Variants in TRAPPC9 observed in about 807,000 individuals in gnomAD.
TRAPPC9 encodes IKK2 binding protein.
Under a neutral mutation model 124.0 loss-of-function variants are expected in TRAPPC9, and 83 were observed. The ratio of observed to expected loss-of-function variants is 0.67; its 90% CI spans 0.56 to 0.80. The LOEUF (loss-of-function observed/expected upper bound fraction) is 0.80, where lower values mean the gene tolerates loss of function less well. TRAPPC9 is among the 30% of genes least tolerant of loss of function. The pLI, the probability that TRAPPC9 is intolerant of heterozygous loss-of-function variation, is 0.00. For synonymous variants in TRAPPC9, 638 were observed against 617.5 expected (o/e 1.03, Z -0.49); for missense variants, 1,302 against 1,508.3 (o/e 0.86, Z 2.27).
At chr8:140,347,672 T>C (rs1362653335) in intron 9 of TRAPPC9, among the ~76,000 whole-genome samples, 1 of 152,220 alleles carries the variant, frequency 6.6e-6, no homozygotes, top group Non-Finnish European at 1.5e-5. Context: ...CTTGGCCTTG[T>C]TGTATTCAGA....
chr8:140,103,390 CA>C (rs1358343907), intron 17 of TRAPPC9, among the ~76,000 whole-genome samples: 2 of 152,180 alleles, frequency 1.3e-5, no homozygotes, highest in African/African-American at 4.8e-5. Context: ...CGCCTCTCAT[CA>C]GGGGCAATTC....
intron 7 of TRAPPC9, among the ~76,000 whole-genome samples, chr8:140,396,649 T>G (rs1274274304): frequency 6.6e-6 from 1 of 151,862 alleles, no homozygotes; most frequent in Non-Finnish European, 1.5e-5. Context: ...TGTGTTCTGT[T>G]TCTGGGCATC....
At chr8:140,393,868 C>G (rs1490948206) in intron 7 of TRAPPC9, among the ~76,000 whole-genome samples, 1 of 152,206 alleles carries the variant, frequency 6.6e-6, no homozygotes, top group East Asian at 1.9e-4. Flanking sequence ...GCCTGCTCAT[C>G]TGGCAAACAA....
chr8:139,791,424 CA>C (rs1822666723), intron 21 of TRAPPC9, among the ~76,000 whole-genome samples: 1 of 151,144 alleles, frequency 6.6e-6, no homozygotes, highest in African/African-American at 2.4e-5. Flanking sequence ...CACACTCACA[CA>C]GGTGTGTCTC....
At chr8:140,164,660 TG>T in intron 17 of TRAPPC9, among the ~76,000 whole-genome samples, 1 of 152,182 alleles carries the variant, frequency 6.6e-6, no homozygotes, top group South Asian at 2.1e-4. Flanking sequence ...CAGCTAGGCA[TG>T]GTCTCCTGGG....
intron 21 of TRAPPC9, among the ~76,000 whole-genome samples, chr8:139,824,876 T>C (rs1281245046): frequency 6.6e-6 from 1 of 152,140 alleles, no homozygotes. Context: ...TTTACCTTTG[T>C]AAAAGGTTCC....
chr8:140,263,981 G>A (rs966076861), intron 15 of TRAPPC9, among the ~76,000 whole-genome samples: 2 of 151,988 alleles, frequency 1.3e-5, no homozygotes, highest in African/African-American at 2.4e-5. Flanking sequence ...CCTTTCCCCC[G>A]CTCCCCAAGA....
chr8:139,934,312 G>C (rs1261626229), intron 19 of TRAPPC9, among the ~76,000 whole-genome samples: 5 of 152,102 alleles, frequency 3.3e-5, no homozygotes, highest in African/African-American at 1.2e-4. Flanking sequence ...GAGAAGATGA[G>C]AGTAGCTGTA....
chr8:140,053,863 C>T (rs1186289828), intron 17 of TRAPPC9, among the ~76,000 whole-genome samples: 1 of 152,184 alleles, frequency 6.6e-6, no homozygotes, highest in Non-Finnish European at 1.5e-5. Flanking sequence ...ATCAAAGACA[C>T]TTGTACTCAT....
intron 21 of TRAPPC9, among the ~76,000 whole-genome samples, chr8:139,832,387 G>A (rs1055701295): frequency 6.6e-6 from 1 of 152,238 alleles, no homozygotes; most frequent in Non-Finnish European, 1.5e-5. Flanking sequence ...TTCGCGTGGA[G>A]CAGCTAGTGA....
At chr8:140,132,691 A>G (rs1310591840) in intron 17 of TRAPPC9, among the ~76,000 whole-genome samples, 9 of 152,208 alleles carry the variant, frequency 5.9e-5, no homozygotes, top group Non-Finnish European at 1.3e-4. Flanking sequence ...GAGATAGGAC[A>G]CAAGACAATG....
At chr8:140,421,007 C>A (rs1189181330) in intron 5 of TRAPPC9, among the ~76,000 whole-genome samples, 4 of 152,140 alleles carry the variant, frequency 2.6e-5, no homozygotes, top group Non-Finnish European at 5.9e-5. Context: ...GAGGTTGAGG[C>A]AAGAGGCTCA....
chr8:139,758,623 CCCTG>C (rs1563791899), intron 21 of TRAPPC9, among the ~76,000 whole-genome samples: 1 of 152,144 alleles, frequency 6.6e-6, no homozygotes, highest in African/African-American at 2.4e-5. Context: ...GAGCCAGGCT[CCCTG>C]AAGGAGGGGT....
intron 21 of TRAPPC9, among the ~76,000 whole-genome samples, chr8:139,885,508 T>C (rs1829945982): frequency 6.6e-6 from 1 of 152,172 alleles, no homozygotes; most frequent in South Asian, 2.1e-4. Flanking sequence ...CTGGAAACAG[T>C]TGCAGAGCAC....
chr8:140,036,643 C>T (rs1161938640), intron 17 of TRAPPC9, among the ~76,000 whole-genome samples: 2 of 152,092 alleles, frequency 1.3e-5, no homozygotes, highest in African/African-American at 4.8e-5. Flanking sequence ...GTGTGACACA[C>T]GAGTCCTGAG....
At chr8:140,023,642 C>A (rs888344004) in intron 18 of TRAPPC9, among the ~76,000 whole-genome samples, 3 of 152,114 alleles carry the variant, frequency 2.0e-5, no homozygotes, top group African/African-American at 7.2e-5. Flanking sequence ...CCAGGCTGGG[C>A]GGGAAATGTG....
intron 5 of TRAPPC9, among the ~76,000 whole-genome samples, chr8:140,424,669 A>G (rs529167497): frequency 4.6e-5 from 7 of 152,030 alleles, no homozygotes; most frequent in Admixed American, 1.3e-4. Context: ...AAAGAAATGA[A>G]AGAAAAAAAC....
intron 9 of TRAPPC9, among the ~76,000 whole-genome samples, chr8:140,350,061 A>T (rs1464120243): frequency 6.6e-6 from 1 of 152,206 alleles, no homozygotes. Flanking sequence ...TCTGCCACAA[A>T]GTCAAGAAGC....
Position 139,730,994 on chromosome 8 carries a change from A to AG in TRAPPC9, c.*66dup. ...CTGCAGTGAAGGCCTTGCTCATTGC[A>AG]GGGGGTGTGGGAGGCCAGGCAGGGT... On this transcript the variant is annotated 3_prime_UTR_variant, in exon 23 of 23. Coordinates refer to ENST00000438773, the MANE Select transcript of TRAPPC9 (RefSeq NM_001160372.4). 1 of 1,572,046 alleles carries AG rather than the reference A, an allele frequency of 6.4e-7. No homozygotes were observed. Among genetic ancestry groups the AG allele is most frequent in the South Asian group, 1.1e-5 (1 of 88,118 alleles).
Sources: allele counts gnomAD v4.1 joint callset (sites outside exome capture counted in the v4.1 genomes callset), GRCh38; gene constraint gnomAD v4.1.1; transcripts MANE v1.5; gene names NCBI Gene and HGNC (gene_info 2026-07-23, HGNC 2026-07-21).